The following FOXN3 variants were observed in gnomAD, a reference collection of about 807,000 sequenced individuals.
FOXN3 encodes forkhead box N3.
FOXN3 carries 7 observed loss-of-function variants against 38.4 expected under a neutral mutation model. The observed-to-expected ratio is 0.18, with a 90% CI of 0.10 to 0.34. FOXN3 has a LOEUF of 0.34. Ranked by LOEUF, FOXN3 falls within the 10% of genes least tolerant of loss-of-function variation. FOXN3 has a pLI of 1.00. For synonymous variants in FOXN3, 230 were observed against 242.2 expected (o/e 0.95, Z 0.47); for missense variants, 456 against 613.4 (o/e 0.74, Z 2.71).
At chr14:89,259,640 C>T (rs7146342) in intron 4 of FOXN3, among the ~76,000 whole-genome samples, 38,644 of 151,936 alleles carry the variant, frequency 0.25, 5,636 homozygotes, top group African/African-American at 0.41. Flanking sequence ...TGGAACTAGG[C>T]GGGATATGTT....
intron 1 of FOXN3, among the ~76,000 whole-genome samples, chr14:89,465,010 C>G (rs1322298087): frequency 6.6e-6 from 1 of 151,620 alleles, no homozygotes; most frequent in Non-Finnish European, 1.5e-5. Context: ...TGCTGCTTTT[C>G]TCGTGACAGT....
intron 1 of FOXN3, among the ~76,000 whole-genome samples, chr14:89,497,015 C>T (rs909211641): frequency 1.1e-4 from 17 of 152,268 alleles, no homozygotes; most frequent in African/African-American, 3.6e-4. Context: ...AGTGCAATGA[C>T]GCAATCTCAG....
chr14:89,467,135 C>G (rs535480044), intron 1 of FOXN3, among the ~76,000 whole-genome samples: 170 of 152,304 alleles, frequency 1.1e-3, no homozygotes, highest in African/African-American at 3.9e-3. Flanking sequence ...CATCACACCC[C>G]CTTCTCACGG....
intron 4 of FOXN3, among the ~76,000 whole-genome samples, chr14:89,204,085 AC>A (rs1416191435): frequency 1.6e-4 from 24 of 149,722 alleles, no homozygotes; most frequent in African/African-American, 5.9e-4. Flanking sequence ...ACACACACAC[AC>A]ACACACACAC....
At chr14:89,394,615 A>G (rs1032326775) in intron 2 of FOXN3, among the ~76,000 whole-genome samples, 1 of 152,228 alleles carries the variant, frequency 6.6e-6, no homozygotes, top group African/African-American at 2.4e-5. Context: ...GTACAGAGAG[A>G]AAGAAAAACA....
intron 1 of FOXN3, among the ~76,000 whole-genome samples, chr14:89,430,815 G>C (rs1892139127): frequency 6.6e-6 from 1 of 152,228 alleles, no homozygotes; most frequent in African/African-American, 2.4e-5. Flanking sequence ...CGGAGGTTCT[G>C]CCTAACCAAA....
At chr14:89,215,609 T>G (rs61985227) in intron 4 of FOXN3, among the ~76,000 whole-genome samples, 22,193 of 152,210 alleles carry the variant, frequency 0.15, 2,058 homozygotes, top group Non-Finnish European at 0.21. Context: ...AAACTCTCAG[T>G]CTTTAGAACA....
intron 4 of FOXN3, among the ~76,000 whole-genome samples, chr14:89,219,134 G>A (rs1433393993): frequency 6.6e-6 from 1 of 152,184 alleles, no homozygotes; most frequent in Non-Finnish European, 1.5e-5. Flanking sequence ...ATGTCGAATT[G>A]TAATCCCCAC....
intron 4 of FOXN3, among the ~76,000 whole-genome samples, chr14:89,269,707 A>G (rs1018366013): frequency 6.6e-6 from 1 of 152,030 alleles, no homozygotes; most frequent in African/African-American, 2.4e-5. Flanking sequence ...GCCTTTTGAC[A>G]TTGGAGGGCC....
intron 1 of FOXN3, among the ~76,000 whole-genome samples, chr14:89,479,667 A>C (rs565873983): frequency 1.4e-4 from 21 of 152,318 alleles, no homozygotes; most frequent in African/African-American, 4.8e-4. Flanking sequence ...GATAGCACAA[A>C]TACTTTTTGA....
intron 4 of FOXN3, among the ~76,000 whole-genome samples, chr14:89,259,235 C>T (rs140057373): frequency 1.8e-4 from 27 of 152,318 alleles, no homozygotes; most frequent in Admixed American, 3.9e-4. Flanking sequence ...ATTAAGGATG[C>T]GTCTTGCTGT....
At chr14:89,604,344 C>G (rs1274101277) in intron 1 of FOXN3, among the ~76,000 whole-genome samples, 2 of 151,776 alleles carry the variant, frequency 1.3e-5, no homozygotes, top group African/African-American at 2.4e-5. Context: ...GAGAACCCGG[C>G]CAACAAAGAC....
intron 1 of FOXN3, among the ~76,000 whole-genome samples, chr14:89,428,441 G>A (rs1284195938): frequency 1.3e-5 from 2 of 152,156 alleles, no homozygotes; most frequent in Non-Finnish European, 2.9e-5. Flanking sequence ...AATCTTAAAA[G>A]GGTCGGGGCT....
At chr14:89,609,996 T>C (rs1896357810) in intron 1 of FOXN3, among the ~76,000 whole-genome samples, 1 of 152,200 alleles carries the variant, frequency 6.6e-6, no homozygotes, top group Non-Finnish European at 1.5e-5. Flanking sequence ...GGATAATTTC[T>C]GCCTAAATGC....
chr14:89,389,830 G>GCCCA (rs1210540023), intron 2 of FOXN3, among the ~76,000 whole-genome samples: 1 of 152,076 alleles, frequency 6.6e-6, no homozygotes, highest in African/African-American at 2.4e-5. Context: ...CTGTCCTTTG[G>GCCCA]CCCACAGCAG....
At chr14:89,233,627 C>G (rs574089880) in intron 4 of FOXN3, among the ~76,000 whole-genome samples, 2 of 152,218 alleles carry the variant, frequency 1.3e-5, no homozygotes, top group South Asian at 4.1e-4. Flanking sequence ...TAAACACAGT[C>G]TAATGGTTTA....
intron 4 of FOXN3, among the ~76,000 whole-genome samples, chr14:89,205,910 G>A (rs903481044): frequency 3.3e-5 from 5 of 152,186 alleles, no homozygotes; most frequent in East Asian, 3.9e-4. Flanking sequence ...TCCCTGTCAC[G>A]CGCCCTGGGA....
chr14:89,343,097 C>T lies in FOXN3; in HGVS notation c.680+7575G>A, dbSNP rs57571459. ...TGCAGTGCTTCTGCCAACTATTAAACGCACAACACTCTGAATAACTAGAAT... is the reference window on the plus strand; with the variant it reads ...TGCAGTGCTTCTGCCAACTATTAAATGCACAACACTCTGAATAACTAGAAT... On this transcript the variant is annotated intron_variant, in intron 3 of 5. Coordinates refer to ENST00000557258, the MANE Select transcript of FOXN3 (RefSeq NM_005197.4). Among the ~76,000 whole-genome samples the T allele has an allele frequency of 5.0e-3, 755 of 152,218 alleles. 2 individuals carry two copies. The highest frequency in any genetic ancestry group is 0.017 in the African/African-American group (702 of 41,528).
At chr14:89,206,686 C>T (rs1225665948) in intron 4 of FOXN3, among the ~76,000 whole-genome samples, 1 of 152,196 alleles carries the variant, frequency 6.6e-6, no homozygotes, top group Non-Finnish European at 1.5e-5. Flanking sequence ...AAAAAAATTA[C>T]AGCTAGTGTT....
Sources: gnomAD v4.1 joint callset for allele counts (sites outside exome capture counted in the v4.1 genomes callset) on GRCh38, gnomAD v4.1.1 for gene constraint, MANE v1.5 for transcripts, NCBI Gene and HGNC (gene_info 2026-07-23, HGNC 2026-07-21) for gene names.